The following SVEP1 variants were observed in gnomAD, a reference collection of about 807,000 sequenced individuals.
The protein encoded by SVEP1 is sushi, von Willebrand factor type A, EGF and pentraxin domain containing 1.
A neutral mutation model predicts 367.3 loss-of-function variants in SVEP1; 164 were observed. That is an observed-to-expected ratio of 0.45 (90% CI 0.39 to 0.51). The LOEUF is 0.51. Among genes scored for constraint, SVEP1 ranks in the 20% least tolerant of loss-of-function variants. SVEP1 has a pLI of 0.00. For missense variants in SVEP1, 4,117 were observed against 4,425.3 expected (o/e 0.93, Z 1.98); for synonymous variants, 1,666 against 1,611.6 (o/e 1.03, Z -0.81).
intron 41 of SVEP1, 83 bp downstream of exon 41, chr9:110,389,441 T>C: frequency 6.6e-7 from 1 of 1,524,426 alleles, no homozygotes; most frequent in Non-Finnish European, 9.0e-7. Flanking sequence ...ATTACAAAAC[T>C]AACCTATAAA....
chr9:110,390,283 ATACATACT>A lies in SVEP1; in HGVS notation c.9823-704_9823-697del, dbSNP rs1827626235. ...AGTATGTATATATATACTTATATAT[ATACATACT>A]TATATATACTTATATAAGTATGTGT... On this transcript the variant is annotated intron_variant, in intron 40 of 47. Transcript: ENST00000374469. Among the ~76,000 whole-genome samples the A allele has an allele frequency of 7.1e-4, 32 of 44,938 alleles. 1 individual carries two copies. Among genetic ancestry groups the A allele is most frequent in the African/African-American group, 3.0e-3 (31 of 10,366 alleles). The allele number at this position is 44,938 out of a possible 152,430, so 29.5% of individuals were successfully genotyped here.
At chr9:110,462,017 A>G (rs1828865625) in intron 18 of SVEP1, among the ~76,000 whole-genome samples, 1 of 152,184 alleles carries the variant, frequency 6.6e-6, no homozygotes, top group Non-Finnish European at 1.5e-5. Context: ...TAATTAGTTA[A>G]CAGAAAGCAT....
chr9:110,375,356 A>C lies in SVEP1; in HGVS notation c.10600+12T>G, dbSNP rs1326905728. On this transcript the variant is annotated intron_variant, in intron 46 of 47. Coordinates refer to ENST00000374469, the MANE Select transcript of SVEP1 (RefSeq NM_153366.4). Reference sequence around the variant, plus strand: ...TGAGCCACCAAGAAAACAAACCATGAAAGAGGCCTACCTGTATGACAGCGA... The same window carrying C: ...TGAGCCACCAAGAAAACAAACCATGCAAGAGGCCTACCTGTATGACAGCGA... The C allele has an allele frequency of 6.5e-7, 1 of 1,546,812 alleles. No individual in the cohort carries two copies. The highest frequency in any genetic ancestry group is 2.0e-5 in the Admixed American group (1 of 50,068).
At chr9:110,430,121 T>TTTTTTC in intron 33 of SVEP1, 117 bp from the exon 34 acceptor site, 1 of 1,159,694 alleles carries the variant, frequency 8.6e-7, no homozygotes, top group Non-Finnish European at 1.2e-6. Context: ...TTTTTTTTTT[T>TTTTTTC]TGGTGTGTGT....
intron 35 of SVEP1, 118 bp downstream of exon 35, chr9:110,429,025 C>T (rs1373545904): frequency 2.1e-5 from 17 of 816,834 alleles, no homozygotes; most frequent in Admixed American, 2.1e-4. Context: ...GCTGAGATTG[C>T]GCCACTGCAC....
intron 39 of SVEP1, among the ~76,000 whole-genome samples, chr9:110,404,090 T>G (rs1827914523): frequency 6.6e-6 from 1 of 152,202 alleles, no homozygotes; most frequent in South Asian, 2.1e-4. Context: ...ATAAATATCT[T>G]GTTATAGAAA....
chr9:110,410,439 G>A (rs533194596), intron 37 of SVEP1, among the ~76,000 whole-genome samples: 7 of 152,208 alleles, frequency 4.6e-5, no homozygotes, highest in African/African-American at 1.7e-4. Context: ...CCTATCTTTT[G>A]TCTAAGCATT....
intron 36 of SVEP1, among the ~76,000 whole-genome samples, chr9:110,423,147 T>TA (rs1231531948): frequency 1.1e-4 from 5 of 46,298 alleles, no homozygotes; most frequent in Non-Finnish European, 2.4e-4. Flanking sequence ...AAAAAAAAAA[T>TA]AAAAAAATAA....
intron 27 of SVEP1, among the ~76,000 whole-genome samples, chr9:110,439,726 G>A (rs545080220): frequency 1.4e-4 from 22 of 152,164 alleles, no homozygotes; most frequent in African/African-American, 5.3e-4. Flanking sequence ...GCCACTTTGT[G>A]TATGGTATTT....
At position 110,408,069 on chromosome 9, in the gene SVEP1, AAG is replaced by A. The variant is rs1392273808; in HGVS notation, c.7529_7530del (p.Ser2510LeufsTer33). 1 of 1,612,360 alleles carries A rather than the reference AAG, an allele frequency of 6.2e-7. No individual in the cohort carries two copies. The highest frequency in any genetic ancestry group is 8.5e-7 in the Non-Finnish European group (1 of 1,179,392). ...KPKEILNGKF[S>X]YTDLHYGQTV... is the part of the protein sequence containing the mutation. ...GTCTGTCCATAGTGTAGGTCCGTGTAAGAGAATTTGCCATTCAAAATCTCCTT... is the reference window on the plus strand; with the variant it reads ...GTCTGTCCATAGTGTAGGTCCGTGTAAGAATTTGCCATTCAAAATCTCCTT... On this transcript the variant is annotated frameshift_variant, in exon 38 of 48. Coordinates refer to ENST00000374469, the MANE Select transcript of SVEP1 (RefSeq NM_153366.4). LOFTEE classifies it high-confidence loss of function.
Position 110,386,339 on chromosome 9 carries a change from T to C in SVEP1, c.10061-265A>G, listed in dbSNP as rs574496000. ...CCTAAAAGTTGAAGATGACAATTTATGCCTGAAATTATGGGCCACAACATT... is the reference window on the plus strand; with the variant it reads ...CCTAAAAGTTGAAGATGACAATTTACGCCTGAAATTATGGGCCACAACATT... On this transcript the variant is annotated intron_variant, in intron 42 of 47. Coordinates refer to ENST00000374469, the MANE Select transcript of SVEP1 (RefSeq NM_153366.4). Among the ~76,000 whole-genome samples the C allele has an allele frequency of 2.6e-5, 4 of 152,322 alleles. No individual in the cohort carries two copies. In the South Asian group the frequency reaches 8.3e-4, roughly 32 times the overall value.
chr9:110,416,392 CA>C (rs1387150931), intron 36 of SVEP1, among the ~76,000 whole-genome samples: 1 of 151,678 alleles, frequency 6.6e-6, no homozygotes, highest in Non-Finnish European at 1.5e-5. Flanking sequence ...TGGACATATT[CA>C]AAAACAGGCT....
Position 110,483,654 on chromosome 9 carries a change from G to A in SVEP1, c.1970C>T (p.Pro657Leu). Residue 657 changes from proline to leucine, a missense_variant, in exon 10 of 48, where the codon CCT (proline) becomes CTT (leucine). Around this residue, in one of 4 missense-constraint regions of SVEP1, gnomAD observed 2,174 missense variants for 2,494.3 expected, o/e 0.87. Coordinates refer to ENST00000374469, the MANE Select transcript of SVEP1 (RefSeq NM_153366.4). ...TACCTTCTCCGAGACCTGGACGGGA[G>A]GTGGAGATCTGCACCAGTCTATGAC... ...PPVIDWCRSP[P>L]PVQVSEKVHA... 6.2e-7 allele frequency: 1 copy of A among 1,611,490 alleles called. No homozygotes were observed. Among genetic ancestry groups the A allele is most frequent in the East Asian group, 2.2e-5 (1 of 44,740 alleles).
intron 40 of SVEP1, among the ~76,000 whole-genome samples, chr9:110,395,634 C>A (rs958873364): frequency 6.6e-6 from 1 of 151,656 alleles, no homozygotes; most frequent in African/African-American, 2.4e-5. Context: ...CACACATAGG[C>A]TCAAAATAAA....
In SVEP1 at chr9:110,459,096, T is replaced by C; in HGVS notation, c.3340A>G (p.Lys1114Glu). 6.2e-7 allele frequency: 1 copy of C among 1,613,704 alleles called. No individual in the cohort carries two copies. Among genetic ancestry groups the C allele is most frequent in the Non-Finnish European group, 8.5e-7 (1 of 1,179,694 alleles). Reference protein sequence around the residue: ...SACGVPCPEGKFSRSGLMPCH... With the variant: ...SACGVPCPEGEFSRSGLMPCH... ...GGCATTAACCCAGAACGCGAGAATT[T>C]TCCTTCTGGACAAGGAACTGCAGAG... Residue 1114 changes from lysine (K) to glutamate (E), a missense_variant, in exon 19 of 48, where the codon AAA (lysine) becomes GAA (glutamate). Coordinates refer to ENST00000374469, the MANE Select transcript of SVEP1 (RefSeq NM_153366.4).
intron 1 of SVEP1, among the ~76,000 whole-genome samples, chr9:110,573,436 T>C (rs1016778622): frequency 3.3e-5 from 5 of 152,196 alleles, no homozygotes; most frequent in Non-Finnish European, 7.3e-5. Context: ...GCTCTTTCCC[T>C]GAGCTAGGAA....
intron 45 of SVEP1, among the ~76,000 whole-genome samples, chr9:110,376,116 C>T (rs967151247): frequency 5.3e-5 from 8 of 152,220 alleles, no homozygotes; most frequent in African/African-American, 1.9e-4. Context: ...ATCAAGTTCC[C>T]TAACCCCAAT....
At chr9:110,438,896 A>G (rs1588053635) in intron 27 of SVEP1, among the ~76,000 whole-genome samples, 1 of 152,188 alleles carries the variant, frequency 6.6e-6, no homozygotes, top group African/African-American at 2.4e-5. Flanking sequence ...TATCACACCT[A>G]TATCTTTAGC....
chr9:110,404,844 G>A (rs1827931867), intron 38 of SVEP1, among the ~76,000 whole-genome samples: 1 of 152,056 alleles, frequency 6.6e-6, no homozygotes, highest in Admixed American at 6.6e-5. Flanking sequence ...GGGAAACATA[G>A]TGAGACTTCA....
Sources: gnomAD v4.1 joint callset for allele counts (sites outside exome capture counted in the v4.1 genomes callset) on GRCh38, gnomAD v4.1.1 for gene constraint, gnomAD v4.1.1 regional missense constraint, MANE v1.5 for transcripts, NCBI Gene and HGNC (gene_info 2026-07-23, HGNC 2026-07-21) for gene names.